The following GAPVD1 variants were observed in gnomAD, a reference collection of about 807,000 sequenced individuals.
The protein encoded by GAPVD1 is GTPase-activating protein and VPS9 domain-containing protein 1.
GAPVD1 carries 35 observed loss-of-function variants against 155.5 expected under a neutral mutation model. That is an observed-to-expected ratio of 0.23 (90% CI 0.17 to 0.30). GAPVD1 has a LOEUF of 0.30. Ranked by LOEUF, GAPVD1 falls within the 10% of genes least tolerant of loss-of-function variation. The probability of loss-of-function intolerance (pLI) is 1.00; values close to 1 mark genes in which losing one functional copy is unlikely to be tolerated. For synonymous variants in GAPVD1, 636 were observed against 619.7 expected (o/e 1.03, Z -0.39); for missense variants, 1,429 against 1,775.7 (o/e 0.80, Z 3.51).
At position 125,353,391 on chromosome 9, in the gene GAPVD1, A is replaced by T. The variant is rs148925064; in HGVS notation, c.3570-1263A>T. On this transcript the variant is annotated intron_variant, in intron 23 of 27. Coordinates refer to ENST00000297933, the MANE Select transcript of GAPVD1 (RefSeq NM_001282680.3). ...CGTCAAAGCCATTCAACAAATCTCT[A>T]GGAAGTTCCATACTTTCCCACATTT... is the stretch of plus-strand genomic sequence containing the variant. Among the ~76,000 whole-genome samples the T allele has an allele frequency of 2.0e-3, 305 of 152,260 alleles. 1 individual carries two copies. Among genetic ancestry groups the T allele is most frequent in the African/African-American group, 6.4e-3 (264 of 41,570 alleles).
chr9:125,309,676 G>C (rs1842373241), intron 8 of GAPVD1, among the ~76,000 whole-genome samples: 1 of 152,120 alleles, frequency 6.6e-6, no homozygotes, highest in Non-Finnish European at 1.5e-5. Flanking sequence ...CTGTTCACAT[G>C]ATGAAGTAAA....
intron 9 of GAPVD1, among the ~76,000 whole-genome samples, chr9:125,313,059 A>G (rs763902229): frequency 3.2e-4 from 48 of 152,104 alleles, no homozygotes; most frequent in Admixed American, 7.2e-4. Context: ...AACTGAGGTG[A>G]TCCGCCTGCC....
chr9:125,359,200 ACTCC>A (rs1850560188), intron 25 of GAPVD1, among the ~76,000 whole-genome samples: 2 of 150,968 alleles, frequency 1.3e-5, no homozygotes, highest in South Asian at 4.2e-4. Context: ...GAGAGGAAAG[ACTCC>A]CTCCCCTCCC....
chr9:125,332,673 GTGGTTGAAAC>G, intron 15 of GAPVD1, 44 bp downstream of exon 15: 2 of 1,572,612 alleles, frequency 1.3e-6, no homozygotes, highest in African/African-American at 2.7e-5. Flanking sequence ...GACCACATCC[GTGGTTGAAAC>G]TGGCACTGTG....
At chr9:125,314,472 A>G (rs1220887265) in intron 9 of GAPVD1, among the ~76,000 whole-genome samples, 4 of 152,096 alleles carry the variant, frequency 2.6e-5, no homozygotes, top group African/African-American at 9.7e-5. Flanking sequence ...CCTGACCAAC[A>G]TAGTAAAACC....
rs367854136 is a variant in GAPVD1, at chr9:125,307,229, A to G, written c.1117-184A>G. On this transcript the variant is annotated intron_variant, in intron 6 of 27. Coordinates refer to ENST00000297933, the MANE Select transcript of GAPVD1 (RefSeq NM_001282680.3). ...GGTTGCAGTGAGCTGAGATGGTGCT[A>G]TTTCATTCCAGCCTGGGTAAAAGAG... Among the ~76,000 whole-genome samples the G allele has an allele frequency of 1.3e-4, 19 of 150,700 alleles. 1 individual carries two copies. In the South Asian group the frequency reaches 2.7e-3, roughly 22 times the overall value.
chr9:125,325,217 T>A (rs565924995), intron 11 of GAPVD1, among the ~76,000 whole-genome samples: 1 of 148,420 alleles, frequency 6.7e-6, no homozygotes, highest in African/African-American at 2.5e-5. Flanking sequence ...AGAGTGAGAC[T>A]CTGATTGAAA....
intron 9 of GAPVD1, among the ~76,000 whole-genome samples, chr9:125,319,836 C>A (rs1025929648): frequency 1.3e-5 from 2 of 152,102 alleles, no homozygotes; most frequent in Non-Finnish European, 2.9e-5. Context: ...CTCAGGTGAT[C>A]CACCGGCCTT....
At chr9:125,309,059 A>G (rs902120531) in intron 8 of GAPVD1, 11 of 152,186 alleles carry the variant, frequency 7.2e-5, no homozygotes, top group Non-Finnish European at 1.3e-4. Context: ...ATAACGAGGA[A>G]CTCAGCAACA....
chr9:125,354,909 G>A, intron 24 of GAPVD1, 68 bp downstream of exon 24: 1 of 1,116,114 alleles, frequency 9.0e-7, no homozygotes, highest in Non-Finnish European at 1.3e-6. Context: ...TAGAAATACT[G>A]TTTTGTTTTG....
At position 125,306,881 on chromosome 9, in the gene GAPVD1, G is replaced by T. The variant is rs371137413; in HGVS notation, c.1117-532G>T. 1.2e-4 allele frequency among the ~76,000 whole-genome samples: 18 copies of T among 152,254 alleles called. 1 individual carries two copies. The South Asian group carries it at 3.1e-3, about 26-fold the overall frequency. ...CATGCTGGTAATCCTAGTGCTGAGCGCACTTTGGGAAGCTGAGGTGGACGG... is the reference window on the plus strand; with the variant it reads ...CATGCTGGTAATCCTAGTGCTGAGCTCACTTTGGGAAGCTGAGGTGGACGG... On this transcript the variant is annotated intron_variant, in intron 6 of 27. Transcript: ENST00000297933.
chr9:125,353,558 G>A (rs1046725490), intron 23 of GAPVD1, among the ~76,000 whole-genome samples: 1 of 152,092 alleles, frequency 6.6e-6, no homozygotes, highest in African/African-American at 2.4e-5. Context: ...TTATTATGCT[G>A]CTGATAAAGA....
chr9:125,289,361 A>T (rs1045482988), intron 2 of GAPVD1, among the ~76,000 whole-genome samples: 1 of 151,882 alleles, frequency 6.6e-6, no homozygotes, highest in African/African-American at 2.4e-5. Context: ...AAGCATAGTT[A>T]GTTAGGAAAC....
At chr9:125,306,680 A>G (rs1479631315) in intron 6 of GAPVD1, among the ~76,000 whole-genome samples, 2 of 152,060 alleles carry the variant, frequency 1.3e-5, no homozygotes, top group Non-Finnish European at 2.9e-5. Context: ...TTTCATAGAG[A>G]CAAGGTTTTG....
intron 9 of GAPVD1, among the ~76,000 whole-genome samples, chr9:125,315,183 G>A (rs1306284362): frequency 1.3e-5 from 2 of 152,152 alleles, no homozygotes; most frequent in African/African-American, 4.8e-5. Context: ...AGTGATGGTG[G>A]TTGGTAAAGC....
intron 12 of GAPVD1, among the ~76,000 whole-genome samples, chr9:125,328,819 C>T (rs577791139): frequency 1.5e-3 from 191 of 124,608 alleles, no homozygotes; most frequent in African/African-American, 6.4e-3. Context: ...GGCGGCTGGC[C>T]GGGCAGGGGG....
chr9:125,313,403 A>G (rs1842940488), intron 9 of GAPVD1, among the ~76,000 whole-genome samples: 1 of 148,980 alleles, frequency 6.7e-6, no homozygotes, highest in Non-Finnish European at 1.5e-5. Context: ...TCCCGGATTC[A>G]CACTGTTCTC....
intron 10 of GAPVD1, among the ~76,000 whole-genome samples, chr9:125,322,107 C>T (rs1050883423): frequency 1.2e-4 from 19 of 152,086 alleles, no homozygotes; most frequent in Admixed American, 1.2e-3. Context: ...GTTCGTTGCC[C>T]AGGCTGGAGT....
rs1589165234 is a variant in GAPVD1, at chr9:125,365,861, A to G, written c.*3115A>G. 1 of 152,106 alleles carries G rather than the reference A, an allele frequency of 6.6e-6. No individual in the cohort carries two copies. Among genetic ancestry groups the G allele is most frequent in the Admixed American group, 6.5e-5 (1 of 15,272 alleles). The allele number at this position is 152,106 out of a possible 1,614,324, so 9.4% of individuals were successfully genotyped here. ...GCCATGTTGGCCAGGCTGGTCTCGA[A>G]CTCCTGGCCTCAAGTGATCCGCCTA... On this transcript the variant is annotated 3_prime_UTR_variant, in exon 28 of 28. Transcript: ENST00000297933.
Sources: allele counts gnomAD v4.1 joint callset (sites outside exome capture counted in the v4.1 genomes callset), GRCh38; gene constraint gnomAD v4.1.1; transcripts MANE v1.5; gene names NCBI Gene and HGNC (gene_info 2026-07-23, HGNC 2026-07-21).